The following TBC1D19 variants were observed in gnomAD, a reference collection of about 807,000 sequenced individuals.
TBC1D19 encodes the protein TBC1 domain family, member 19.
Under a neutral mutation model 89.0 loss-of-function variants are expected in TBC1D19, and 60 were observed. That is an observed-to-expected ratio of 0.67 (90% CI 0.55 to 0.84). The LOEUF (loss-of-function observed/expected upper bound fraction) is 0.84, where lower values mean the gene tolerates loss of function less well. Ranked by LOEUF, TBC1D19 falls within the 40% of genes least tolerant of loss-of-function variation. TBC1D19 has a pLI of 0.00. For synonymous variants in TBC1D19, 189 were observed against 199.7 expected, an observed-to-expected ratio of 0.95 and a Z score of 0.45; for missense variants, 500 against 610.8, an observed-to-expected ratio of 0.82 and a Z score of 1.91.
At chr4:26,745,473 T>A (rs375612622) in intron 18 of TBC1D19, among the ~76,000 whole-genome samples, 4 of 146,766 alleles carry the variant, frequency 2.7e-5, no homozygotes, top group East Asian at 2.0e-4. Context: ...TTTTGATAGG[T>A]GCCATGAGGT....
At chr4:26,698,120 C>G (rs916326512) in intron 13 of TBC1D19, among the ~76,000 whole-genome samples, 1 of 152,178 alleles carries the variant, frequency 6.6e-6, no homozygotes, top group Non-Finnish European at 1.5e-5. Flanking sequence ...ACCCCATCGT[C>G]TCAGCCCAAA....
At chr4:26,658,397 A>G (rs1745009424) in intron 7 of TBC1D19, among the ~76,000 whole-genome samples, 1 of 152,134 alleles carries the variant, frequency 6.6e-6, no homozygotes. Flanking sequence ...AGATGGTTGT[A>G]GATGTGTGGT....
At chr4:26,791,610 G>A in the TBC1D19 span, among the ~76,000 whole-genome samples, 1 of 152,208 alleles carries the variant, frequency 6.6e-6, no homozygotes, top group East Asian at 1.9e-4. Flanking sequence ...GGCAACTTGG[G>A]CCAGGGTGGC....
chr4:26,830,308 C>T, the TBC1D19 span, among the ~76,000 whole-genome samples: 3 of 152,332 alleles, frequency 2.0e-5, no homozygotes, highest in East Asian at 5.8e-4. Context: ...TGGTTCCCAG[C>T]TCCCATCTTT....
chr4:26,586,649 T>C (rs1739435201), intron 1 of TBC1D19, among the ~76,000 whole-genome samples: 1 of 152,154 alleles, frequency 6.6e-6, no homozygotes, highest in Non-Finnish European at 1.5e-5. Flanking sequence ...TGTCAGTGTT[T>C]TGTAGTTTCA....
intron 18 of TBC1D19, among the ~76,000 whole-genome samples, chr4:26,745,497 C>CTTTTTTTTTTT: frequency 2.5e-5 from 1 of 40,550 alleles, no homozygotes; most frequent in Non-Finnish European, 4.2e-5. Context: ...CAATATACTT[C>CTTTTTTTTTTT]TTTTTTTTTT....
chr4:26,695,746 T>A (rs578065373), intron 13 of TBC1D19, among the ~76,000 whole-genome samples: 8 of 152,246 alleles, frequency 5.3e-5, no homozygotes, highest in Non-Finnish European at 1.0e-4. Context: ...GAATTTCATA[T>A]CCAGACAAAC....
Position 26,646,793 on chromosome 4 carries a change from G to T in TBC1D19, c.480+6606G>T, listed in dbSNP as rs561828338. ...GTGGGAAACATCACACACTGAGGTG[G>T]GGGAATGGGGGAGGGATAGCATTAG... On this transcript the variant is annotated intron_variant, in intron 7 of 20. Transcript: ENST00000264866. 1.6e-4 allele frequency among the ~76,000 whole-genome samples: 25 copies of T among 152,016 alleles called. 1 individual carries two copies. In the South Asian group the frequency reaches 5.2e-3, roughly 31 times the overall value.
intron 4 of TBC1D19, among the ~76,000 whole-genome samples, chr4:26,630,217 C>T (rs572017501): frequency 3.2e-4 from 48 of 151,834 alleles, no homozygotes; most frequent in Middle Eastern, 3.6e-3. Flanking sequence ...ATTTATGAAA[C>T]TCCTGAAATC....
At chr4:26,776,244 A>G in the TBC1D19 span, among the ~76,000 whole-genome samples, 7 of 152,150 alleles carry the variant, frequency 4.6e-5, no homozygotes, top group African/African-American at 1.4e-4. Context: ...TTCAAATTCA[A>G]ATACAGACTT....
chr4:26,694,832 C>G (rs1714621042), intron 13 of TBC1D19, among the ~76,000 whole-genome samples: 1 of 152,218 alleles, frequency 6.6e-6, no homozygotes, highest in Non-Finnish European at 1.5e-5. Flanking sequence ...AGCTGAGGGT[C>G]CTGACTGTTA....
intron 13 of TBC1D19, among the ~76,000 whole-genome samples, 169 bp from the exon 14 acceptor site, chr4:26,717,764 A>G (rs1178013001): frequency 6.6e-6 from 1 of 152,178 alleles, no homozygotes; most frequent in African/African-American, 2.4e-5. Flanking sequence ...CTTTGGAAGA[A>G]TTTGGCATCC....
chr4:26,826,020 G>A, the TBC1D19 span, among the ~76,000 whole-genome samples: 1 of 152,134 alleles, frequency 6.6e-6, no homozygotes, highest in Non-Finnish European at 1.5e-5. Flanking sequence ...TGGGCAACAT[G>A]GCGAAACCCC....
chr4:26,623,812 C>T (rs958223443), intron 4 of TBC1D19, among the ~76,000 whole-genome samples: 2 of 152,024 alleles, frequency 1.3e-5, no homozygotes, highest in African/African-American at 4.8e-5. Flanking sequence ...ATAATGTTGC[C>T]TTTTATTGTT....
At chr4:26,612,804 T>A (rs1741461235) in intron 1 of TBC1D19, among the ~76,000 whole-genome samples, 1 of 152,058 alleles carries the variant, frequency 6.6e-6, no homozygotes, top group African/African-American at 2.4e-5. Flanking sequence ...TTTTAGTCAT[T>A]AGATACAGGT....
At chr4:26,698,186 G>A (rs1714981640) in intron 13 of TBC1D19, among the ~76,000 whole-genome samples, 1 of 152,102 alleles carries the variant, frequency 6.6e-6, no homozygotes, top group African/African-American at 2.4e-5. Flanking sequence ...AAATCAATGT[G>A]CAAAAATCAC....
In TBC1D19 at chr4:26,713,787, G is replaced by A. The variant is rs562888453; in HGVS notation, c.955-4146G>A. ...AGACTGTAAACATATAGAAATGCTG[G>A]AAAAAGAACACAAGGGATATAAATA... On this transcript the variant is annotated intron_variant, in intron 13 of 20. Transcript: ENST00000264866. Among the ~76,000 whole-genome samples the A allele has an allele frequency of 2.6e-5, 4 of 152,036 alleles. No homozygotes were observed. The East Asian group carries it at 7.7e-4, about 29-fold the overall frequency.
chr4:26,695,480 C>T (rs944713210), intron 13 of TBC1D19, among the ~76,000 whole-genome samples: 1 of 152,004 alleles, frequency 6.6e-6, no homozygotes, highest in Non-Finnish European at 1.5e-5. Context: ...CAAGGCAGGC[C>T]AACATTCAAA....
chr4:26,644,382 C>A (rs1743769333), intron 7 of TBC1D19, among the ~76,000 whole-genome samples: 2 of 152,124 alleles, frequency 1.3e-5, no homozygotes, highest in South Asian at 2.1e-4. Flanking sequence ...AGCCTACATG[C>A]TAAAAACTCT....
Sources: gnomAD v4.1 joint callset for allele counts (sites outside exome capture counted in the v4.1 genomes callset) on GRCh38, gnomAD v4.1.1 for gene constraint, MANE v1.5 for transcripts, NCBI Gene and HGNC (gene_info 2026-07-23, HGNC 2026-07-21) for gene names.